SCN1A: variants seen among roughly 807,000 people sequenced by gnomAD.
SCN1A encodes the protein sodium channel protein type 1 subunit alpha.
Under a neutral mutation model 193.7 loss-of-function variants are expected in SCN1A, and 13 were observed. The observed-to-expected ratio is 0.07, with a 90% confidence interval of 0.04 to 0.11. The LOEUF is 0.11. SCN1A is among the 10% of genes least tolerant of loss of function. The pLI is 1.00. For missense variants in SCN1A, 1,432 were observed against 2,451.1 expected (o/e 0.58, Z 8.78); for synonymous variants, 781 against 843.6 (o/e 0.93, Z 1.29).
intron 1 of SCN1A, among the ~76,000 whole-genome samples, chr2:166,127,534 A>G (rs2106277785): frequency 6.6e-6 from 1 of 151,962 alleles, no homozygotes; most frequent in Non-Finnish European, 1.5e-5. Context: ...CCCATCTTCT[A>G]TCAAAATGCT....
At chr2:165,996,340 A>C (rs1486752451) in intron 26 of SCN1A, 6 of 377,024 alleles carry the variant, frequency 1.6e-5, no homozygotes, top group Non-Finnish European at 2.9e-5. Flanking sequence ...TATCTTATGA[A>C]GACAAACACC....
In SCN1A at chr2:166,002,328, T is replaced by A. The variant is rs1159248332; in HGVS notation, c.4284+144A>T. On this transcript the variant is annotated intron_variant, in intron 24 of 28. Transcript: ENST00000674923. Reference sequence around the variant, plus strand: ...TAATAAAGTTTTCACCCATCTGGGCTCATAAACTTGTACTAACAAATTGAA... The same window carrying A: ...TAATAAAGTTTTCACCCATCTGGGCACATAAACTTGTACTAACAAATTGAA... 5 of 815,712 alleles carry A rather than the reference T, an allele frequency of 6.1e-6. No homozygotes were observed. The East Asian group carries it at 1.4e-4, about 22-fold the overall frequency. 50.5% of individuals were successfully genotyped at this position (815,712 alleles called of 1,614,324 possible).
chr2:166,036,010 A>G, intron 19 of SCN1A, 38 bp downstream of exon 19: 1 of 1,595,364 alleles, frequency 6.3e-7, no homozygotes, highest in Non-Finnish European at 8.6e-7. Flanking sequence ...GTATATATGT[A>G]TATGTATTCA....
intron 2 of SCN1A, among the ~76,000 whole-genome samples, chr2:166,125,591 G>C (rs764989818): frequency 6.6e-6 from 1 of 152,106 alleles, no homozygotes; most frequent in Non-Finnish European, 1.5e-5. Flanking sequence ...TGGATTCCCT[G>C]ATAGTACCCT....
rs1158359748 is a variant in SCN1A at position 166,051,921 on chromosome 2, A to G, written c.762T>C (p.Thr254=). The G allele has an allele frequency of 2.5e-6, 4 of 1,612,554 alleles. No individual in the cohort carries two copies. The highest frequency in any genetic ancestry group is 3.4e-6 in the Non-Finnish European group (4 of 1,178,940). The change falls in exon 9 of 29, where the codon ACT becomes ACC. Residue 254 remains threonine (T), a synonymous_variant. Coordinates refer to ENST00000674923, the MANE Select transcript of SCN1A (RefSeq NM_001165963.4). ...VKKLSDVMIL[T]VFCLSVFALI... ...GAGCAAATACGCTCAGACAGAACAC[A>G]GTCAGGATCATTACATCTGAGAGCT...
chr2:166,146,712 A>G (rs1455209014), intron 1 of SCN1A, among the ~76,000 whole-genome samples: 1 of 152,244 alleles, frequency 6.6e-6, no homozygotes. Flanking sequence ...AGGGTCAGTG[A>G]TATGTGCCAA....
chr2:166,106,995 C>T (rs921026128), intron 2 of SCN1A, among the ~76,000 whole-genome samples: 1 of 152,122 alleles, frequency 6.6e-6, no homozygotes, highest in African/African-American at 2.4e-5. Flanking sequence ...TATCATTATT[C>T]ATGTTTTTTT....
intron 2 of SCN1A, among the ~76,000 whole-genome samples, chr2:166,120,797 G>T (rs1321262052): frequency 6.6e-6 from 1 of 151,330 alleles, no homozygotes; most frequent in Admixed American, 6.6e-5. Flanking sequence ...TGTATTTTTA[G>T]TAGAGACGGG....
At chr2:166,073,746 C>A (rs1559285932) in intron 3 of SCN1A, 76 bp from the exon 4 acceptor site, 3 of 1,103,296 alleles carry the variant, frequency 2.7e-6, no homozygotes, top group Admixed American at 2.5e-5. Context: ...TGTCATGAAA[C>A]ATGAGCTAGA....
intron 19 of SCN1A, among the ~76,000 whole-genome samples, chr2:166,019,170 T>G (rs778677443): frequency 2.0e-5 from 3 of 152,156 alleles, no homozygotes; most frequent in Non-Finnish European, 4.4e-5. Flanking sequence ...TGCTTTCTTT[T>G]TTTAATGCAT....
chr2:166,123,105 C>T (rs1403776744), intron 2 of SCN1A, among the ~76,000 whole-genome samples: 1 of 150,892 alleles, frequency 6.6e-6, no homozygotes, highest in African/African-American at 2.4e-5. Flanking sequence ...AAAGATAAAC[C>T]ATTGGAATAT....
intron 19 of SCN1A, among the ~76,000 whole-genome samples, chr2:166,034,559 ATGGGAAGTAAAGGTGCTT>A (rs1239218161): frequency 2.6e-5 from 4 of 152,202 alleles, no homozygotes; most frequent in Non-Finnish European, 5.9e-5. Context: ...CAAACACTAA[ATGGGAAGTAAAGGTGCTT>A]TGTCCTAGAC....
intron 5 of SCN1A, among the ~76,000 whole-genome samples, chr2:166,057,198 A>T (rs1437902531): frequency 6.6e-6 from 1 of 152,008 alleles, no homozygotes; most frequent in Non-Finnish European, 1.5e-5. Context: ...ACTTCTCTAC[A>T]ATGGAGCTAA....
chr2:166,059,704 A>G (rs778879204), intron 4 of SCN1A, among the ~76,000 whole-genome samples: 3 of 152,200 alleles, frequency 2.0e-5, no homozygotes, highest in Non-Finnish European at 2.9e-5. Flanking sequence ...CTTAGGATGC[A>G]TATCTGCACA....
intron 2 of SCN1A, among the ~76,000 whole-genome samples, chr2:166,104,842 C>T (rs1423144664): frequency 1.3e-5 from 2 of 152,092 alleles, no homozygotes; most frequent in Non-Finnish European, 2.9e-5. Context: ...GTCTTAGAGC[C>T]GATTTGGCTA....
intron 28 of SCN1A, chr2:165,993,203 G>T (rs535527150): frequency 2.8e-5 from 4 of 140,994 alleles, no homozygotes; most frequent in Non-Finnish European, 6.1e-5. Flanking sequence ...GTGTGTGTGT[G>T]TGTGTGTGAG....
rs1211975846 is a variant in SCN1A, at chr2:165,989,343, C to T, written c.*1902G>A. The T allele has an allele frequency of 6.6e-6, 1 of 152,302 alleles. No individual in the cohort carries two copies. Among genetic ancestry groups the T allele is most frequent in the Non-Finnish European group, 1.5e-5 (1 of 67,978 alleles). The allele number at this position is 152,302 out of a possible 1,614,324, so 9.4% of individuals were successfully genotyped here. On this transcript the variant is annotated 3_prime_UTR_variant, in exon 29 of 29. Coordinates refer to ENST00000674923, the MANE Select transcript of SCN1A (RefSeq NM_001165963.4). Reference sequence around the variant, plus strand: ...ACACAAAATGTCCTGATGTAATTGACTATATAAGTTGACTACTCTGTTTTT... The same window carrying T: ...ACACAAAATGTCCTGATGTAATTGATTATATAAGTTGACTACTCTGTTTTT...
At chr2:166,018,247 C>T (rs2105655249) in intron 19 of SCN1A, among the ~76,000 whole-genome samples, 1 of 152,010 alleles carries the variant, frequency 6.6e-6, no homozygotes, top group Non-Finnish European at 1.5e-5. Context: ...ACCTCTGAAG[C>T]ATTGATTTTT....
intron 19 of SCN1A, among the ~76,000 whole-genome samples, chr2:166,018,507 A>G (rs770145393): frequency 2.0e-5 from 3 of 152,050 alleles, no homozygotes; most frequent in Non-Finnish European, 2.9e-5. Flanking sequence ...TTATTTAGAC[A>G]TTTATTTTTA....
Sources: gnomAD v4.1 joint callset for allele counts (sites outside exome capture counted in the v4.1 genomes callset) on GRCh38, gnomAD v4.1.1 for gene constraint, MANE v1.5 for transcripts, NCBI Gene and HGNC (gene_info 2026-07-23, HGNC 2026-07-21) for gene names.